Variants in HERC4 observed in about 807,000 individuals in gnomAD.
HERC4 encodes probable E3 ubiquitin-protein ligase HERC4.
A neutral mutation model predicts 124.3 loss-of-function variants in HERC4; 28 were observed. The observed-to-expected ratio is 0.23, with a 90% CI of 0.17 to 0.31. HERC4 has a LOEUF of 0.31. Among genes scored for constraint, HERC4 ranks in the 10% least tolerant of loss-of-function variants. HERC4 has a pLI of 1.00. For synonymous variants in HERC4, 407 were observed against 421.5 expected (o/e 0.97, Z 0.42); for missense variants, 713 against 1,229.3 (o/e 0.58, Z 6.28).
In HERC4 at chr10:68,059,700, ATAT is replaced by A. The variant is rs1434256897; in HGVS notation, c.226+13180_226+13182del. On this transcript the variant is annotated intron_variant, in intron 3 of 24. Coordinates refer to ENST00000373700, the MANE Select transcript of HERC4 (RefSeq NM_015601.4). ...ATATATCATAATATTATATATTATA[ATAT>A]TATATATCATAATATTATATATTAT... 9.4e-3 allele frequency among the ~76,000 whole-genome samples: 507 copies of A among 53,872 alleles called. 101 individuals carry two copies. Among genetic ancestry groups the A allele is most frequent in the Non-Finnish European group, 0.011 (417 of 38,086 alleles). 35.3% of individuals were successfully genotyped at this position (53,872 alleles called of 152,430 possible).
intron 3 of HERC4, among the ~76,000 whole-genome samples, chr10:68,049,788 G>A (rs2040204829): frequency 6.6e-6 from 1 of 151,850 alleles, no homozygotes; most frequent in Admixed American, 6.6e-5. Flanking sequence ...GCAAATGCTT[G>A]TAGTTTCCAC....
intron 8 of HERC4, among the ~76,000 whole-genome samples, chr10:68,015,053 C>A (rs2038179949): frequency 6.6e-6 from 1 of 152,310 alleles, no homozygotes; most frequent in Non-Finnish European, 1.5e-5. Flanking sequence ...TTGTTCCCAG[C>A]AAGACTGGAA....
rs1325904674 is a variant in HERC4 at position 67,932,735 on chromosome 10, T to C, written c.2700A>G (p.Ser900=). The stretch of plus-strand genomic sequence containing the variant: ...GAAAAGCATCAAATAAGGAAGCCAC[T>C]GATTTATTGAATATGTAATCCACAT... ...DAYVDYIFNK[S]VASLFDAFHA... is the part of the protein sequence containing the mutation. Residue 900 remains serine, a synonymous_variant, in exon 23 of 25, where the codon TCA becomes TCG. Coordinates refer to ENST00000373700, the MANE Select transcript of HERC4 (RefSeq NM_015601.4). 1 of 1,604,686 alleles carries C rather than the reference T, an allele frequency of 6.2e-7. No homozygotes were observed. The highest frequency in any genetic ancestry group is 1.3e-5 in the African/African-American group (1 of 74,304).
intron 7 of HERC4, among the ~76,000 whole-genome samples, chr10:68,027,900 G>A (rs1160449831): frequency 1.3e-5 from 2 of 150,316 alleles, no homozygotes; most frequent in Non-Finnish European, 3.0e-5. Context: ...CTCCAGCCTG[G>A]GCAACACAGT....
chr10:68,073,134 T>C lies in HERC4; in HGVS notation c.-26A>G, dbSNP rs1290600346. On this transcript the variant is annotated 5_prime_UTR_variant, in exon 3 of 25. Coordinates refer to ENST00000373700, the MANE Select transcript of HERC4 (RefSeq NM_015601.4). Reference sequence around the variant, plus strand: ...GCTTGTAATTATTTTGGTCTTCCAGTTTCAATAAAAAATTCTCTTCTGAAA... The same window carrying C: ...GCTTGTAATTATTTTGGTCTTCCAGCTTCAATAAAAAATTCTCTTCTGAAA... 2 of 1,588,516 alleles carry C rather than the reference T, an allele frequency of 1.3e-6. No individual in the cohort carries two copies. Among genetic ancestry groups the C allele is most frequent in the African/African-American group, 2.7e-5 (2 of 73,592 alleles).
intron 9 of HERC4, among the ~76,000 whole-genome samples, chr10:68,011,226 A>AT (rs2037935325): frequency 6.6e-6 from 1 of 152,054 alleles, no homozygotes; most frequent in Non-Finnish European, 1.5e-5. Flanking sequence ...TTTTAAAATT[A>AT]TTTTTTGTAG....
At chr10:67,951,271 C>T (rs1465551678) in intron 19 of HERC4, among the ~76,000 whole-genome samples, 1 of 152,154 alleles carries the variant, frequency 6.6e-6, no homozygotes, top group African/African-American at 2.4e-5. Flanking sequence ...TACAAACTTC[C>T]CTATTTATAA....
At chr10:67,976,415 T>C (rs1180368235) in intron 15 of HERC4, among the ~76,000 whole-genome samples, 1 of 152,208 alleles carries the variant, frequency 6.6e-6, no homozygotes, top group African/African-American at 2.4e-5. Flanking sequence ...TGACCTCTGA[T>C]ATATATTTTT....
At chr10:67,960,487 G>T (rs557287456) in intron 16 of HERC4, among the ~76,000 whole-genome samples, 23 of 152,246 alleles carry the variant, frequency 1.5e-4, no homozygotes, top group African/African-American at 5.5e-4. Context: ...CTGGGTTCAA[G>T]CGATTCTCCT....
intron 3 of HERC4, among the ~76,000 whole-genome samples, chr10:68,056,998 CA>C (rs745343043): frequency 3.3e-5 from 5 of 152,118 alleles, no homozygotes; most frequent in Admixed American, 6.6e-5. Context: ...GTTGTTTTTG[CA>C]TTTTGTTTTG....
At chr10:67,999,709 T>C (rs1233425791) in intron 9 of HERC4, among the ~76,000 whole-genome samples, 1 of 152,216 alleles carries the variant, frequency 6.6e-6, no homozygotes, top group African/African-American at 2.4e-5. Context: ...AAATTTATTA[T>C]GGTTACATGT....
intron 20 of HERC4, among the ~76,000 whole-genome samples, chr10:67,939,968 C>G (rs1034563504): frequency 6.6e-6 from 1 of 151,960 alleles, no homozygotes; most frequent in African/African-American, 2.4e-5. Context: ...GCTCTGTCGC[C>G]CAGGCTGAAG....
chr10:68,053,954 G>A (rs897996914), intron 3 of HERC4, among the ~76,000 whole-genome samples: 17 of 152,138 alleles, frequency 1.1e-4, no homozygotes, highest in African/African-American at 2.7e-4. Flanking sequence ...AGGAATATAC[G>A]TTGTCAAATA....
intron 23 of HERC4, among the ~76,000 whole-genome samples, chr10:67,927,409 TA>T (rs1564910816): frequency 0.015 from 156 of 10,382 alleles, 4 homozygotes; most frequent in Non-Finnish European, 0.019. Flanking sequence ...TATATATATA[TA>T]TATATATATA....
At chr10:68,021,332 T>C (rs1187070527) in intron 8 of HERC4, among the ~76,000 whole-genome samples, 1 of 152,164 alleles carries the variant, frequency 6.6e-6, no homozygotes, top group East Asian at 1.9e-4. Context: ...TGAAAATTAA[T>C]ATATGTAATC....
chr10:68,027,937 T>TTA (rs913178903), intron 7 of HERC4, among the ~76,000 whole-genome samples: 159 of 147,540 alleles, frequency 1.1e-3, no homozygotes, highest in African/African-American at 3.3e-3. Flanking sequence ...AAGAAAAAAA[T>TTA]TATATATATA....
chr10:67,976,493 G>A (rs2035594467), intron 15 of HERC4, among the ~76,000 whole-genome samples: 1 of 152,082 alleles, frequency 6.6e-6, no homozygotes, highest in African/African-American at 2.4e-5. Context: ...AGGTGGAAGA[G>A]GTGAAGCAAT....
At chr10:67,938,458 A>AAGAAAAGAAAAGG (rs1554899052) in intron 21 of HERC4, among the ~76,000 whole-genome samples, 2 of 149,472 alleles carry the variant, frequency 1.3e-5, no homozygotes, top group African/African-American at 5.1e-5. Flanking sequence ...AAAAAAAAAA[A>AAGAAAAGAAAAGG]GAAAAGAAAA....
At chr10:67,946,463 A>G (rs898304963) in intron 19 of HERC4, among the ~76,000 whole-genome samples, 1 of 151,800 alleles carries the variant, frequency 6.6e-6, no homozygotes, top group Admixed American at 6.6e-5. Context: ...ACTGAAAATA[A>G]AGAGATGGAA....
Sources: gnomAD v4.1 joint callset for allele counts (sites outside exome capture counted in the v4.1 genomes callset) on GRCh38, gnomAD v4.1.1 for gene constraint, MANE v1.5 for transcripts, NCBI Gene and HGNC (gene_info 2026-07-23, HGNC 2026-07-21) for gene names.